Variants in SEMA6D observed in about 807,000 individuals in gnomAD.
SEMA6D encodes the protein semaphorin-6D.
SEMA6D carries 35 observed loss-of-function variants against 106.6 expected under a neutral mutation model. The observed-to-expected ratio is 0.33, with a 90% confidence interval of 0.25 to 0.44. SEMA6D has a LOEUF of 0.44. Ranked by LOEUF, SEMA6D falls within the 20% of genes least tolerant of loss-of-function variation. SEMA6D has a pLI of 1.00. For synonymous variants in SEMA6D, 499 were observed against 487.7 expected (o/e 1.02, Z -0.31); for missense variants, 1,185 against 1,345.9 (o/e 0.88, Z 1.87).
intron 2 of SEMA6D, among the ~76,000 whole-genome samples, chr15:47,419,324 G>A (rs953555279): frequency 6.6e-6 from 1 of 152,106 alleles, no homozygotes; most frequent in African/African-American, 2.4e-5. Flanking sequence ...AAGCAAAGTA[G>A]TCCAGAAACT....
chr15:47,679,008 T>G (rs947764982), intron 4 of SEMA6D, among the ~76,000 whole-genome samples: 5 of 152,220 alleles, frequency 3.3e-5, no homozygotes, highest in Non-Finnish European at 5.9e-5. Flanking sequence ...ATGCTGGTCC[T>G]CTGAGAAGGT....
intron 2 of SEMA6D, among the ~76,000 whole-genome samples, chr15:47,449,270 A>C (rs2042117610): frequency 6.6e-6 from 1 of 152,110 alleles, no homozygotes; most frequent in African/African-American, 2.4e-5. Flanking sequence ...GTTGAAAATA[A>C]ATATACAGTA....
chr15:47,212,740 G>A (rs143678174), intron 1 of SEMA6D, among the ~76,000 whole-genome samples: 10 of 152,170 alleles, frequency 6.6e-5, no homozygotes, highest in Non-Finnish European at 1.3e-4. Flanking sequence ...TCTCTTTTCC[G>A]ATGAGAGGAA....
intron 1 of SEMA6D, among the ~76,000 whole-genome samples, chr15:47,237,847 T>C (rs531081393): frequency 6.6e-6 from 1 of 152,236 alleles, no homozygotes. Context: ...CAAATCTCTT[T>C]GGCCCATTGT....
chr15:47,448,318 T>A (rs1432709240), intron 2 of SEMA6D, among the ~76,000 whole-genome samples: 3 of 152,126 alleles, frequency 2.0e-5, no homozygotes, highest in African/African-American at 7.2e-5. Context: ...ATAATCTCAG[T>A]ATGACCTGGG....
rs531145739 is a variant in SEMA6D at position 47,440,611 on chromosome 15, TAGAA to T, written c.-159+28145_-159+28148del. ...GAAGGACCACTTTTCAGGATCAAAT[TAGAA>T]AGAAAAACAAATATTCAGTGGTGCT... On this transcript the variant is annotated intron_variant, in intron 2 of 19. Transcript: ENST00000558014. Among the ~76,000 whole-genome samples, 236 of 151,210 alleles carry T rather than the reference TAGAA, an allele frequency of 1.6e-3. 1 individual carries two copies. The highest frequency in any genetic ancestry group is 6.8e-3 in the Middle Eastern group (2 of 294).
At chr15:47,585,616 G>A (rs1266260361) in intron 3 of SEMA6D, among the ~76,000 whole-genome samples, 7 of 152,150 alleles carry the variant, frequency 4.6e-5, no homozygotes, top group East Asian at 1.9e-4. Flanking sequence ...ACCAAGCAGC[G>A]TCTTTTCACA....
At chr15:47,526,709 TG>T (rs1201144639) in intron 3 of SEMA6D, among the ~76,000 whole-genome samples, 4 of 152,170 alleles carry the variant, frequency 2.6e-5, no homozygotes, top group African/African-American at 9.7e-5. Context: ...TGATGGTGGT[TG>T]GCACCAATAT....
intron 1 of SEMA6D, among the ~76,000 whole-genome samples, chr15:47,339,763 G>T (rs2037733602): frequency 6.6e-6 from 1 of 152,126 alleles, no homozygotes; most frequent in African/African-American, 2.4e-5. Flanking sequence ...AGAGGCTGAG[G>T]TGGGAGAATC....
At chr15:47,694,792 A>T (rs1566992717) in intron 4 of SEMA6D, among the ~76,000 whole-genome samples, 1 of 152,124 alleles carries the variant, frequency 6.6e-6, no homozygotes. Context: ...CTTTTCTCAA[A>T]TCAGATCATT....
At position 47,343,248 on chromosome 15, in the gene SEMA6D, T is replaced by A. The variant is rs185916448; in HGVS notation, c.-238-69145T>A. ...AAAAAAACGATGGATTAGTTGGATT[T>A]TTATTATTATTATTATTATTATTAT... On this transcript the variant is annotated intron_variant, in intron 1 of 19. Coordinates refer to the SEMA6D transcript ENST00000558014. Among the ~76,000 whole-genome samples, 98 of 146,122 alleles carry A rather than the reference T, an allele frequency of 6.7e-4. No individual in the cohort carries two copies. In the East Asian group the frequency reaches 7.6e-3, roughly 11 times the overall value.
At chr15:47,583,006 C>G (rs1213505605) in intron 3 of SEMA6D, among the ~76,000 whole-genome samples, 1 of 152,198 alleles carries the variant, frequency 6.6e-6, no homozygotes, top group African/African-American at 2.4e-5. Context: ...TTCATCAAAT[C>G]AGCACATATT....
intron 1 of SEMA6D, among the ~76,000 whole-genome samples, chr15:47,257,509 C>T (rs572478211): frequency 6.6e-6 from 1 of 152,098 alleles, no homozygotes. Context: ...CATTTGAACT[C>T]AGTAATATGT....
At chr15:47,400,283 A>C (rs2145974204) in intron 1 of SEMA6D, among the ~76,000 whole-genome samples, 1 of 152,232 alleles carries the variant, frequency 6.6e-6, no homozygotes, top group South Asian at 2.1e-4. Context: ...TGAGGCCAGG[A>C]GTTCAAGACC....
chr15:47,367,676 ACACG>A (rs1234859059), intron 1 of SEMA6D, among the ~76,000 whole-genome samples: 4 of 82,784 alleles, frequency 4.8e-5, no homozygotes, highest in Non-Finnish European at 9.8e-5. Flanking sequence ...ACGCACGCTC[ACACG>A]CGCGCGCGCG....
intron 1 of SEMA6D, among the ~76,000 whole-genome samples, chr15:47,263,684 A>C: frequency 6.6e-6 from 1 of 151,968 alleles, no homozygotes; most frequent in East Asian, 2.0e-4. Flanking sequence ...TTAATGGTTG[A>C]CTATCTTCCA....
At chr15:47,244,010 G>T (rs1222210283) in intron 1 of SEMA6D, among the ~76,000 whole-genome samples, 1 of 152,160 alleles carries the variant, frequency 6.6e-6, no homozygotes, top group East Asian at 1.9e-4. Context: ...ATCAGGTAGT[G>T]ATAAGTGGTA....
intron 16 of SEMA6D, 98 bp downstream of exon 16, chr15:47,766,775 C>A: frequency 3.7e-6 from 3 of 817,134 alleles, no homozygotes; most frequent in Non-Finnish European, 6.0e-6. Context: ...ACTCAGGACA[C>A]ATACCACCTA....
intron 1 of SEMA6D, among the ~76,000 whole-genome samples, chr15:47,351,731 T>C (rs2038333981): frequency 6.6e-6 from 1 of 152,222 alleles, no homozygotes; most frequent in Admixed American, 6.6e-5. Flanking sequence ...GTTTGAGTCT[T>C]CCTGGTGTTC....
Sources: gnomAD v4.1 joint callset for allele counts (sites outside exome capture counted in the v4.1 genomes callset) on GRCh38, gnomAD v4.1.1 for gene constraint, MANE v1.5 for transcripts, NCBI Gene and HGNC (gene_info 2026-07-23, HGNC 2026-07-21) for gene names.